ITGA2: variants seen among roughly 807,000 people sequenced by gnomAD.
The protein encoded by ITGA2 is integrin alpha-2.
ITGA2 carries 101 observed loss-of-function variants against 146.3 expected under a neutral mutation model. The ratio of observed to expected loss-of-function variants is 0.69; its 90% CI spans 0.59 to 0.81. ITGA2 has a LOEUF of 0.81. Ranked by LOEUF, ITGA2 falls within the 40% of genes least tolerant of loss-of-function variation. ITGA2 has a pLI of 0.00. For synonymous variants in ITGA2, 477 were observed against 487.1 expected, an observed-to-expected ratio of 0.98 and a Z score of 0.27; for missense variants, 1,281 against 1,402.7, an observed-to-expected ratio of 0.91 and a Z score of 1.39.
chr5:53,071,474 G>C (rs913734152), intron 17 of ITGA2, among the ~76,000 whole-genome samples: 1 of 151,826 alleles, frequency 6.6e-6, no homozygotes, highest in African/African-American at 2.4e-5. Flanking sequence ...TCATAGTCCA[G>C]AGCTGTCATG....
At position 53,093,732 on chromosome 5, in the gene ITGA2, A is replaced by T. The variant is rs1330990597; in HGVS notation, c.*3133A>T. 3 of 152,498 alleles carry T rather than the reference A, an allele frequency of 2.0e-5. No homozygotes were observed. The highest frequency in any genetic ancestry group is 6.5e-5 in the Admixed American group (1 of 15,276). The allele number at this position is 152,498 out of a possible 1,614,324, so 9.4% of individuals were successfully genotyped here. On this transcript the variant is annotated 3_prime_UTR_variant, in exon 30 of 30. Coordinates refer to ENST00000296585, the MANE Select transcript of ITGA2 (RefSeq NM_002203.4). ...TAAAAGTAAGTAGAGGGCATAAAAG[A>T]TGTCATATTCAAATTTCCATTTCAT...
chr5:53,004,018 A>G (rs1172369225), intron 1 of ITGA2, among the ~76,000 whole-genome samples: 2 of 151,948 alleles, frequency 1.3e-5, no homozygotes, highest in South Asian at 2.1e-4. Flanking sequence ...TTTTTTTTGA[A>G]GTAGTAAGGT....
intron 1 of ITGA2, among the ~76,000 whole-genome samples, chr5:53,025,779 G>A (rs1216261629): frequency 6.6e-6 from 1 of 152,132 alleles, no homozygotes; most frequent in East Asian, 1.9e-4. Flanking sequence ...TGTCTGCGAA[G>A]GTAAATATTG....
chr5:53,067,243 A>G lies in ITGA2; in HGVS notation c.2069A>G (p.Gln690Arg), dbSNP rs886060660. 6.2e-7 allele frequency: 1 copy of G among 1,611,616 alleles called. No individual in the cohort carries two copies. Among genetic ancestry groups the G allele is most frequent in the East Asian group, 2.2e-5 (1 of 44,608 alleles). ...CFSAKFRPTK[Q>R]NNQVAIVYNI... ...AGTGCAAAGTTCAGACCTACTAAGC[A>G]AAACAATCAAGTGGGTGCGTAGATC... is the stretch of plus-strand genomic sequence containing the variant. The change falls in exon 16 of 30, where the codon CAA becomes CGA. Residue 690 changes from glutamine to arginine, a missense_variant. Transcript: ENST00000296585.
chr5:52,989,472 G>C lies in ITGA2; in HGVS notation c.4G>C (p.Gly2Arg). 1.9e-6 allele frequency: 3 copies of C among 1,614,172 alleles called. No individual in the cohort carries two copies. Among genetic ancestry groups the C allele is most frequent in the Non-Finnish European group, 1.7e-6 (2 of 1,180,010 alleles). The change falls in exon 1 of 30, where the codon GGG becomes CGG. Residue 2 changes from glycine to arginine, a missense_variant. Around this residue, in one of 3 missense-constraint regions of ITGA2, gnomAD observed 795 missense variants for 841.7 expected, o/e 0.94. Coordinates refer to ENST00000296585, the MANE Select transcript of ITGA2 (RefSeq NM_002203.4). The stretch of plus-strand genomic sequence containing the variant: ...CGGTCCCCCGGTCAGACCCAGGATG[G>C]GGCCAGAACGGACAGGGGCCGCGCC... M[G>R]PERTGAAPLP...
At chr5:53,078,649 C>A (rs1745769369) in intron 23 of ITGA2, 123 bp from the exon 24 acceptor site, 1 of 668,890 alleles carries the variant, frequency 1.5e-6, no homozygotes. Context: ...TTATTTGGTG[C>A]TTTTGTAACT....
chr5:53,056,497 C>T (rs565950465), intron 9 of ITGA2, among the ~76,000 whole-genome samples: 3 of 152,050 alleles, frequency 2.0e-5, no homozygotes, highest in African/African-American at 4.8e-5. Context: ...GAAGCTCATA[C>T]ACTGTTGATA....
In ITGA2 at chr5:53,073,194, G is replaced by T. The variant is rs1238074090; in HGVS notation, c.2506G>T (p.Ala836Ser). 1 of 1,612,406 alleles carries T rather than the reference G, an allele frequency of 6.2e-7. No individual in the cohort carries two copies. The highest frequency in any genetic ancestry group is 8.5e-7 in the Non-Finnish European group (1 of 1,178,824). Residue 836 changes from alanine to serine, a missense_variant, in exon 20 of 30, where the codon GCA (alanine) becomes TCA (serine). Around this residue, in one of 3 missense-constraint regions of ITGA2, gnomAD observed 475 missense variants for 530.5 expected, o/e 0.90. Transcript: ENST00000296585. ...SVTLKNKRES[A>S]YNTGIVVDFS... Reference sequence around the variant, plus strand: ...AACGCTGAAAAATAAAAGGGAAAGTGCATACAACACTGGAATTGTTGTTGA... The same window carrying T: ...AACGCTGAAAAATAAAAGGGAAAGTTCATACAACACTGGAATTGTTGTTGA...
chr5:53,070,723 A>T (rs1041079134), intron 17 of ITGA2, among the ~76,000 whole-genome samples: 10 of 151,906 alleles, frequency 6.6e-5, no homozygotes, highest in African/African-American at 2.4e-4. Context: ...TTCTAATCGT[A>T]TGCTGTAATT....
intron 1 of ITGA2, among the ~76,000 whole-genome samples, chr5:53,011,260 T>A (rs1383285391): frequency 6.6e-6 from 1 of 152,152 alleles, no homozygotes; most frequent in Non-Finnish European, 1.5e-5. Flanking sequence ...ACTAATCCTG[T>A]AGTTGTTCCT....
intron 13 of ITGA2, among the ~76,000 whole-genome samples, chr5:53,064,608 T>A (rs574435033): frequency 1.3e-5 from 2 of 152,102 alleles, no homozygotes; most frequent in African/African-American, 4.8e-5. Flanking sequence ...ACTGGTGTGA[T>A]CATAGCTCAC....
chr5:53,052,925 C>T (rs1744444901), intron 7 of ITGA2, among the ~76,000 whole-genome samples: 1 of 152,136 alleles, frequency 6.6e-6, no homozygotes, highest in Non-Finnish European at 1.5e-5. Flanking sequence ...CCTACACTCT[C>T]TCCCAAAACT....
intron 13 of ITGA2, among the ~76,000 whole-genome samples, chr5:53,063,918 C>T (rs940729998): frequency 2.0e-5 from 3 of 151,584 alleles, no homozygotes; most frequent in East Asian, 3.9e-4. Flanking sequence ...CTTTTAATAC[C>T]GTGTCAAACG....
At chr5:53,034,341 C>T (rs991577419) in intron 2 of ITGA2, among the ~76,000 whole-genome samples, 2 of 151,566 alleles carry the variant, frequency 1.3e-5, no homozygotes, top group South Asian at 2.1e-4. Flanking sequence ...CCCCAAGAGG[C>T]GGAGGTTGCA....
intron 23 of ITGA2, among the ~76,000 whole-genome samples, chr5:53,077,598 ATAAT>A (rs1745720086): frequency 6.6e-6 from 1 of 152,080 alleles, no homozygotes; most frequent in South Asian, 2.1e-4. Context: ...GGCATAGGAA[ATAAT>A]TCATGCACAC....
intron 2 of ITGA2, among the ~76,000 whole-genome samples, chr5:53,031,263 A>T (rs981694618): frequency 2.0e-4 from 31 of 152,366 alleles, no homozygotes; most frequent in African/African-American, 7.2e-4. Context: ...TCCTTTAGCA[A>T]ATTGCGAGTT....
chr5:53,044,764 C>A (rs543718295), intron 3 of ITGA2, among the ~76,000 whole-genome samples: 6 of 152,040 alleles, frequency 3.9e-5, no homozygotes, highest in Non-Finnish European at 5.9e-5. Flanking sequence ...TAAGTCATAC[C>A]CTCTCCAGAG....
chr5:53,069,775 A>T (rs542844469), intron 16 of ITGA2, among the ~76,000 whole-genome samples: 6 of 151,976 alleles, frequency 3.9e-5, no homozygotes, highest in African/African-American at 1.4e-4. Flanking sequence ...TCTCCGTGTT[A>T]TGAGTAATGA....
Position 53,080,628 on chromosome 5 carries a change from A to G in ITGA2, c.3039+7A>G, listed in dbSNP as rs929590383. The G allele has an allele frequency of 6.3e-7, 1 of 1,596,484 alleles. No homozygotes were observed. Among genetic ancestry groups the G allele is most frequent in the Non-Finnish European group, 8.6e-7 (1 of 1,164,164 alleles). On this transcript the variant is annotated splice_region_variant and intron_variant, in intron 25 of 29. Transcript: ENST00000296585. ...TGGGGTGCAAACAGACAAGGTAAAGATTAAAAAATTGCCTAAAAATGTGTA... is the reference window on the plus strand; with the variant it reads ...TGGGGTGCAAACAGACAAGGTAAAGGTTAAAAAATTGCCTAAAAATGTGTA...
Sources: gnomAD v4.1 joint callset for allele counts (sites outside exome capture counted in the v4.1 genomes callset) on GRCh38, gnomAD v4.1.1 for gene constraint, gnomAD v4.1.1 regional missense constraint, MANE v1.5 for transcripts, NCBI Gene and HGNC (gene_info 2026-07-23, HGNC 2026-07-21) for gene names.